ELF1: variants seen among roughly 807,000 people sequenced by gnomAD.
ELF1 encodes E74 like ETS transcription factor 1, also known as ETS-related transcription factor Elf-1.
A neutral mutation model predicts 59.9 loss-of-function variants in ELF1; 24 were observed. That is an observed-to-expected ratio of 0.40 (90% CI 0.29 to 0.56). The LOEUF is 0.56. Ranked by LOEUF, ELF1 falls within the 20% of genes least tolerant of loss-of-function variation. ELF1 has a pLI of 0.44. For synonymous variants in ELF1, 248 were observed against 266.2 expected, an observed-to-expected ratio of 0.93 and a Z score of 0.67; for missense variants, 627 against 742.2, an observed-to-expected ratio of 0.84 and a Z score of 1.80.
In ELF1 at chr13:41,010,679, C is replaced by T. The variant is rs188791815; in HGVS notation, c.-229+8549G>A. 9.2e-5 allele frequency among the ~76,000 whole-genome samples: 14 copies of T among 151,466 alleles called. No individual in the cohort carries two copies. The East Asian group carries it at 2.3e-3, about 25-fold the overall frequency. On this transcript the variant is annotated intron_variant, in intron 1 of 8. Coordinates refer to ENST00000239882, the MANE Select transcript of ELF1 (RefSeq NM_172373.4). ...TTTATTTTTTGTTCATTGCTATATC[C>T]CAACATCAAGAATAATATGTAACAG...
intron 1 of ELF1, among the ~76,000 whole-genome samples, chr13:41,000,237 C>CTTTTTTTTTTTTTTTTTTTTTTTTTTTT (rs55938711): frequency 1.8e-5 from 1 of 54,752 alleles, no homozygotes; most frequent in African/African-American, 7.7e-5. Context: ...TTGAACCTGG[C>CTTTTTTTTTTTTTTTTTTTTTTTTTTTT]TTTTTTTTTT....
intron 1 of ELF1, among the ~76,000 whole-genome samples, chr13:41,007,875 T>C (rs1874840898): frequency 6.6e-6 from 1 of 152,198 alleles, no homozygotes; most frequent in African/African-American, 2.4e-5. Flanking sequence ...ACTCTTTTCA[T>C]AATAATGGCA....
chr13:41,060,932 C>T (rs927726884), exon 1 of ELF1: 13 of 370,704 alleles, frequency 3.5e-5, no homozygotes, highest in South Asian at 8.0e-5. Flanking sequence ...CCGCCGCCGC[C>T]GCCGCCGCCG....
At position 40,932,438 on chromosome 13, in the gene ELF1, TAAGA is replaced by T. The variant is rs1284120898; in HGVS notation, c.*983_*986del. 1 of 151,888 alleles carries T rather than the reference TAAGA, an allele frequency of 6.6e-6. No individual in the cohort carries two copies. The highest frequency in any genetic ancestry group is 1.5e-5 in the Non-Finnish European group (1 of 67,988). 9.4% of individuals were successfully genotyped at this position (151,888 alleles called of 1,614,324 possible). On this transcript the variant is annotated 3_prime_UTR_variant, in exon 9 of 9. Transcript: ENST00000239882. ...AGGCTCAAGTTGCTTTCTTGGCCCT[TAAGA>T]AAGAGTCTTGACTCTCTCAAAATAG...
rs1263269012 is a variant in ELF1, at chr13:40,975,280, T to C, written c.72+6703A>G. 2.0e-5 allele frequency among the ~76,000 whole-genome samples: 3 copies of C among 152,186 alleles called. No homozygotes were observed. In the East Asian group the frequency reaches 5.8e-4, roughly 29 times the overall value. On this transcript the variant is annotated intron_variant, in intron 2 of 8. Transcript: ENST00000239882. ...TCTCTGACCTAACAGAATCTTGCCATTCCAGTTGAAAAATGGCAGGTTGGT... is the reference window on the plus strand; with the variant it reads ...TCTCTGACCTAACAGAATCTTGCCACTCCAGTTGAAAAATGGCAGGTTGGT...
At chr13:41,047,358 T>A (rs1160238538) in intron 1 of ELF1, among the ~76,000 whole-genome samples, 1 of 152,192 alleles carries the variant, frequency 6.6e-6, no homozygotes. Context: ...AGTGCTCTGA[T>A]TTTTAGAATT....
At chr13:41,042,778 T>C (rs1449352534) in intron 1 of ELF1, among the ~76,000 whole-genome samples, 1 of 152,214 alleles carries the variant, frequency 6.6e-6, no homozygotes, top group African/African-American at 2.4e-5. Context: ...TACATGTGCA[T>C]GTGTCTTTAG....
intron 7 of ELF1, 37 bp downstream of exon 7, chr13:40,942,915 T>C (rs112519970): frequency 3.5e-6 from 5 of 1,447,092 alleles, no homozygotes; most frequent in African/African-American, 1.4e-5. Flanking sequence ...TAGAAAATGA[T>C]ATTCTTAACA....
At chr13:40,982,384 T>A in intron 1 of ELF1, 102 bp from the exon 2 acceptor site, 1 of 764,274 alleles carries the variant, frequency 1.3e-6, no homozygotes, top group Non-Finnish European at 1.6e-6. Flanking sequence ...TTTTTATTAT[T>A]AACGTTTTTA....
At chr13:41,000,452 C>A (rs1874369222) in intron 1 of ELF1, among the ~76,000 whole-genome samples, 1 of 54,360 alleles carries the variant, frequency 1.8e-5, no homozygotes, top group African/African-American at 7.0e-5. Flanking sequence ...GAACTCCTGA[C>A]CTTAATTGAT....
chr13:40,935,675 A>ATT (rs35559263), intron 8 of ELF1, among the ~76,000 whole-genome samples: 19 of 138,150 alleles, frequency 1.4e-4, no homozygotes, highest in African/African-American at 4.0e-4. Context: ...GCCAGATACC[A>ATT]TTTTTTTTTT....
At chr13:41,044,024 T>A (rs1348810382) in intron 1 of ELF1, among the ~76,000 whole-genome samples, 1 of 152,164 alleles carries the variant, frequency 6.6e-6, no homozygotes, top group Admixed American at 6.5e-5. Context: ...ATCCCTTAAG[T>A]TGGATTCCTA....
rs187979576 is a variant in ELF1 at position 40,958,017 on chromosome 13, T to G, written c.253+819A>C. Among the ~76,000 whole-genome samples the G allele has an allele frequency of 1.6e-3, 238 of 152,362 alleles. 1 individual carries two copies. The highest frequency in any genetic ancestry group is 5.5e-3 in the African/African-American group (229 of 41,582). On this transcript the variant is annotated intron_variant, in intron 3 of 8. Coordinates refer to ENST00000239882, the MANE Select transcript of ELF1 (RefSeq NM_172373.4). Reference sequence around the variant, plus strand: ...TGAAATCTACAGATATACCTCATCTTGCCTATTTCTGATAAACTTTCTTTT... The same window carrying G: ...TGAAATCTACAGATATACCTCATCTGGCCTATTTCTGATAAACTTTCTTTT...
intron 1 of ELF1, among the ~76,000 whole-genome samples, chr13:41,060,050 C>T (rs1877448390): frequency 1.3e-5 from 2 of 152,304 alleles, no homozygotes; most frequent in Admixed American, 6.5e-5. Context: ...GGGTACTTTC[C>T]GTGACTGCGA....
chr13:40,982,319 A>C, intron 1 of ELF1, 37 bp from the exon 2 acceptor site: 1 of 1,198,678 alleles, frequency 8.3e-7, no homozygotes, highest in African/African-American at 1.6e-5. Context: ...ATGAAAAAGC[A>C]ATCACCCACT....
At chr13:40,999,591 G>C (rs530666814) in intron 1 of ELF1, among the ~76,000 whole-genome samples, 1 of 152,272 alleles carries the variant, frequency 6.6e-6, no homozygotes, top group Non-Finnish European at 1.5e-5. Flanking sequence ...ATAGATGGTG[G>C]TCGATGACTA....
At chr13:41,059,351 C>A (rs1158397562) in intron 1 of ELF1, among the ~76,000 whole-genome samples, 2 of 152,232 alleles carry the variant, frequency 1.3e-5, no homozygotes, top group African/African-American at 4.8e-5. Flanking sequence ...TCAGTAACTT[C>A]AAAAGCATGT....
intron 1 of ELF1, chr13:40,993,043 A>C (rs2138309708): frequency 6.3e-7 from 1 of 1,598,170 alleles, no homozygotes; most frequent in East Asian, 2.2e-5. Flanking sequence ...AACTCTCTGA[A>C]AAGGTTTCTT....
chr13:40,968,164 TAAG>T (rs1241095100), intron 2 of ELF1, among the ~76,000 whole-genome samples: 1 of 152,182 alleles, frequency 6.6e-6, no homozygotes, highest in African/African-American at 2.4e-5. Flanking sequence ...TACACTTCAA[TAAG>T]AAGTTTAAAA....
Sources: gnomAD v4.1 joint callset for allele counts (sites outside exome capture counted in the v4.1 genomes callset) on GRCh38, gnomAD v4.1.1 for gene constraint, MANE v1.5 for transcripts, NCBI Gene and HGNC (gene_info 2026-07-23, HGNC 2026-07-21) for gene names.